Variants in PEX14 observed in about 807,000 individuals in gnomAD.
PEX14 encodes the protein peroxisomal biogenesis factor 14, also known as peroxisomal membrane protein PEX14.
In PEX14, 15 loss-of-function variants were observed where a neutral mutation model predicts 49.5. That is an observed-to-expected ratio of 0.30 (90% CI 0.20 to 0.47). The LOEUF is 0.47. PEX14 is among the 20% of genes least tolerant of loss of function. The pLI, the probability that PEX14 is intolerant of heterozygous loss-of-function variation, is 1.00. For missense variants in PEX14, 398 were observed against 494.8 expected, an observed-to-expected ratio of 0.80 and a Z score of 1.86; for synonymous variants, 210 against 212.7, an observed-to-expected ratio of 0.99 and a Z score of 0.11.
At chr1:10,553,938 C>G (rs189390613) in intron 3 of PEX14, among the ~76,000 whole-genome samples, 5 of 152,208 alleles carry the variant, frequency 3.3e-5, no homozygotes, top group African/African-American at 1.2e-4. Context: ...CCTCGGTTTT[C>G]TGGTAGCAGA....
chr1:10,546,118 CA>C (rs1639163655), intron 3 of PEX14, among the ~76,000 whole-genome samples: 2 of 151,776 alleles, frequency 1.3e-5, no homozygotes, highest in Admixed American at 1.3e-4. Context: ...TGTCTGGCAC[CA>C]AAATAAGGGC....
At chr1:10,475,117 C>A in intron 1 of PEX14, 115 bp downstream of exon 1, 1 of 946,864 alleles carries the variant, frequency 1.1e-6, no homozygotes, top group Non-Finnish European at 1.7e-6. Flanking sequence ...GGGACCCCGA[C>A]CTCTTGCCCC....
intron 4 of PEX14, among the ~76,000 whole-genome samples, chr1:10,610,727 A>T (rs1162746745): frequency 6.6e-6 from 1 of 152,154 alleles, no homozygotes; most frequent in Non-Finnish European, 1.5e-5. Context: ...TCCTGACCTC[A>T]GGTGATCCGT....
chr1:10,476,054 A>C (rs1641188941), intron 1 of PEX14, among the ~76,000 whole-genome samples: 1 of 152,194 alleles, frequency 6.6e-6, no homozygotes, highest in Non-Finnish European at 1.5e-5. Flanking sequence ...AGAAGAAAAT[A>C]GTTTCAACTT....
chr1:10,559,015 G>C (rs1639574805), intron 3 of PEX14, among the ~76,000 whole-genome samples: 1 of 152,062 alleles, frequency 6.6e-6, no homozygotes, highest in Non-Finnish European at 1.5e-5. Context: ...GTTGATTTCT[G>C]TGTTTTTAGA....
chr1:10,627,785 A>C (rs1222537934), intron 8 of PEX14, among the ~76,000 whole-genome samples: 1 of 152,104 alleles, frequency 6.6e-6, no homozygotes, highest in Non-Finnish European at 1.5e-5. Flanking sequence ...ACAACTGAAG[A>C]CGTGGGCAGA....
At chr1:10,503,211 G>A (rs1333568096) in intron 2 of PEX14, among the ~76,000 whole-genome samples, 1 of 145,462 alleles carries the variant, frequency 6.9e-6, no homozygotes, top group Non-Finnish European at 1.5e-5. Context: ...GAACCCCGGA[G>A]GCAGAGGTTG....
chr1:10,507,790 C>T (rs1641812631), intron 2 of PEX14, among the ~76,000 whole-genome samples: 1 of 152,178 alleles, frequency 6.6e-6, no homozygotes, highest in Non-Finnish European at 1.5e-5. Context: ...TTTCTACTTT[C>T]TCTGCCCCCT....
intron 3 of PEX14, among the ~76,000 whole-genome samples, chr1:10,568,592 A>G (rs1396368444): frequency 6.6e-6 from 1 of 152,078 alleles, no homozygotes; most frequent in East Asian, 1.9e-4. Flanking sequence ...TCTTTGTGCC[A>G]TTATTTTATC....
intron 3 of PEX14, among the ~76,000 whole-genome samples, chr1:10,579,226 C>T (rs1640239294): frequency 6.6e-6 from 1 of 151,750 alleles, no homozygotes; most frequent in Non-Finnish European, 1.5e-5. Context: ...GCACACGGGA[C>T]AATGGAATGA....
At chr1:10,477,722 C>T (rs1344014150) in intron 1 of PEX14, among the ~76,000 whole-genome samples, 1 of 152,072 alleles carries the variant, frequency 6.6e-6, no homozygotes, top group African/African-American at 2.4e-5. Context: ...AGTATAGGCT[C>T]TAAAGCCAGA....
intron 1 of PEX14, among the ~76,000 whole-genome samples, chr1:10,480,232 A>G (rs186226568): frequency 1.6e-3 from 238 of 149,676 alleles, no homozygotes; most frequent in African/African-American, 5.6e-3. Context: ...TGTTTTTGAG[A>G]TGGAGTCTCC....
intron 3 of PEX14, among the ~76,000 whole-genome samples, chr1:10,540,382 C>T (rs564920822): frequency 2.0e-5 from 3 of 152,244 alleles, no homozygotes; most frequent in South Asian, 2.1e-4. Context: ...AATGGAATCT[C>T]GTTACCATGA....
At chr1:10,479,074 T>A (rs1641241898) in intron 1 of PEX14, among the ~76,000 whole-genome samples, 1 of 151,568 alleles carries the variant, frequency 6.6e-6, no homozygotes, top group Admixed American at 6.6e-5. Context: ...TTTAAAACAA[T>A]TTTTGTAGTG....
At chr1:10,523,436 C>T (rs1486250825) in intron 2 of PEX14, among the ~76,000 whole-genome samples, 3 of 151,914 alleles carry the variant, frequency 2.0e-5, no homozygotes, top group Admixed American at 6.6e-5. Context: ...GGGTCTTGTC[C>T]TTGACCTAAG....
intron 2 of PEX14, among the ~76,000 whole-genome samples, chr1:10,513,948 GA>G (rs1641927386): frequency 6.6e-6 from 1 of 152,182 alleles, no homozygotes; most frequent in Non-Finnish European, 1.5e-5. Context: ...CCCCTGCTGT[GA>G]GTGTTATTTG....
chr1:10,599,575 G>T (rs1027443601), intron 4 of PEX14, among the ~76,000 whole-genome samples: 4 of 152,148 alleles, frequency 2.6e-5, no homozygotes, highest in Non-Finnish European at 5.9e-5. Context: ...AAGAGACAAG[G>T]GATCAGAATA....
At chr1:10,482,870 A>T (rs1163358971) in intron 1 of PEX14, among the ~76,000 whole-genome samples, 1 of 151,946 alleles carries the variant, frequency 6.6e-6, no homozygotes, top group Non-Finnish European at 1.5e-5. Flanking sequence ...TACGTTTTTT[A>T]TTTTTTATGG....
intron 3 of PEX14, among the ~76,000 whole-genome samples, chr1:10,577,529 CATATATATATATAT>C (rs1312391529): frequency 0.12 from 4,987 of 42,988 alleles, 459 homozygotes; most frequent in East Asian, 0.18. Flanking sequence ...GGACACTATA[CATATATATATATAT>C]ATATATATAT....
Sources: gnomAD v4.1 joint callset for allele counts (sites outside exome capture counted in the v4.1 genomes callset) on GRCh38, gnomAD v4.1.1 for gene constraint, MANE v1.5 for transcripts, NCBI Gene and HGNC (gene_info 2026-07-23, HGNC 2026-07-21) for gene names.